TDRD3: variants seen among roughly 807,000 people sequenced by gnomAD.
TDRD3 encodes tudor domain containing 3, also known as tudor domain-containing protein 3.
In TDRD3, 45 loss-of-function variants were observed where a neutral mutation model predicts 86.7. That is an observed-to-expected ratio of 0.52 (90% CI 0.41 to 0.67). TDRD3 has a LOEUF of 0.67. TDRD3 is among the 30% of genes least tolerant of loss of function. The pLI is 0.00. For missense variants in TDRD3, 814 were observed against 889.0 expected (o/e 0.92, Z 1.07); for synonymous variants, 298 against 301.7 (o/e 0.99, Z 0.13).
At chr13:60,507,387 A>G (rs186964622) in intron 8 of TDRD3, among the ~76,000 whole-genome samples, 102 of 152,342 alleles carry the variant, frequency 6.7e-4, no homozygotes, top group Non-Finnish European at 1.2e-3. Context: ...AATCAAGAGC[A>G]TATACATTTT....
At chr13:60,429,941 T>C (rs1225745981) in intron 1 of TDRD3, among the ~76,000 whole-genome samples, 3 of 152,176 alleles carry the variant, frequency 2.0e-5, no homozygotes, top group African/African-American at 7.2e-5. Context: ...AGAAAACTAA[T>C]ACTTATTTAG....
intron 12 of TDRD3, among the ~76,000 whole-genome samples, chr13:60,564,281 G>A (rs1442345234): frequency 6.6e-6 from 1 of 152,028 alleles, no homozygotes; most frequent in Non-Finnish European, 1.5e-5. Context: ...GATGCACCTT[G>A]GTTTTATATA....
chr13:60,489,234 C>G (rs1956522905), intron 7 of TDRD3, among the ~76,000 whole-genome samples: 2 of 151,834 alleles, frequency 1.3e-5, no homozygotes, highest in Non-Finnish European at 2.9e-5. Context: ...GGTGTTTTTC[C>G]TAGTTATTTA....
intron 1 of TDRD3, among the ~76,000 whole-genome samples, chr13:60,409,669 CCCAATA>C (rs1391575157): frequency 1.3e-5 from 2 of 152,160 alleles, no homozygotes; most frequent in African/African-American, 4.8e-5. Flanking sequence ...GCTGTATTTA[CCCAATA>C]CCTGTACCCT....
chr13:60,477,579 G>C (rs952778472), intron 5 of TDRD3, among the ~76,000 whole-genome samples: 27 of 152,064 alleles, frequency 1.8e-4, no homozygotes, highest in African/African-American at 6.5e-4. Context: ...TTTTTAATAT[G>C]AAGGAATGTT....
chr13:60,542,190 A>G (rs1957833716), intron 12 of TDRD3, among the ~76,000 whole-genome samples: 1 of 152,224 alleles, frequency 6.6e-6, no homozygotes, highest in South Asian at 2.1e-4. Flanking sequence ...TACTTTACTT[A>G]TAGATACTTT....
At chr13:60,535,405 C>A in intron 12 of TDRD3, 172 bp downstream of exon 12, 1 of 550,616 alleles carries the variant, frequency 1.8e-6, no homozygotes, top group Non-Finnish European at 2.7e-6. Context: ...GAATGAACTA[C>A]AATAAAAATG....
chr13:60,552,280 C>G (rs1044616290), intron 12 of TDRD3, among the ~76,000 whole-genome samples: 17 of 152,222 alleles, frequency 1.1e-4, no homozygotes, highest in African/African-American at 3.9e-4. Flanking sequence ...GAGAAATCAG[C>G]CAAAACAAAG....
intron 8 of TDRD3, 135 bp downstream of exon 8, chr13:60,494,710 G>T: frequency 1.4e-6 from 1 of 698,048 alleles, no homozygotes; most frequent in Non-Finnish European, 2.1e-6. Flanking sequence ...CTTTCATTAA[G>T]GATTACAATT....
chr13:60,528,098 T>C (rs1957489637), intron 10 of TDRD3, among the ~76,000 whole-genome samples: 4 of 152,184 alleles, frequency 2.6e-5, no homozygotes. Context: ...TGTAGGTAGC[T>C]GTATTATAAG....
At chr13:60,403,702 A>G (rs1171121093) in intron 1 of TDRD3, among the ~76,000 whole-genome samples, 1 of 152,208 alleles carries the variant, frequency 6.6e-6, no homozygotes, top group Non-Finnish European at 1.5e-5. Flanking sequence ...AACTGCATAG[A>G]CAGAGAGCCT....
At chr13:60,434,732 C>T (rs1235875130) in intron 1 of TDRD3, among the ~76,000 whole-genome samples, 1 of 151,872 alleles carries the variant, frequency 6.6e-6, no homozygotes, top group Non-Finnish European at 1.5e-5. Context: ...TTTTAGTAAA[C>T]AAGAACCCTC....
chr13:60,535,127 A>T lies in TDRD3; in HGVS notation c.2012A>T (p.Glu671Val). ...EDNKFYRAEV[E>V]ALHSSGMTAV... ...CCTCAGTTTTACCGGGCAGAAGTTG[A>T]AGCCCTCCATTCTTCGGGTATGACA... Residue 671 changes from glutamate to valine, a missense_variant, in exon 12 of 14, where the codon GAA becomes GTA. Coordinates refer to ENST00000377881, the MANE Select transcript of TDRD3 (RefSeq NM_001146070.2). The T allele has an allele frequency of 6.2e-7, 1 of 1,613,828 alleles. No individual in the cohort carries two copies. The highest frequency in any genetic ancestry group is 8.5e-7 in the Non-Finnish European group (1 of 1,179,840).
At chr13:60,455,760 A>G (rs1323602798) in intron 3 of TDRD3, among the ~76,000 whole-genome samples, 1 of 152,066 alleles carries the variant, frequency 6.6e-6, no homozygotes, top group Non-Finnish European at 1.5e-5. Context: ...TTCTTTCTCA[A>G]GAGAATTAAT....
At chr13:60,522,296 CA>C (rs1391201146) in intron 10 of TDRD3, among the ~76,000 whole-genome samples, 1 of 151,928 alleles carries the variant, frequency 6.6e-6, no homozygotes, top group Non-Finnish European at 1.5e-5. Context: ...AACAAATAAA[CA>C]AGAAAACTAA....
intron 12 of TDRD3, among the ~76,000 whole-genome samples, chr13:60,552,937 T>G (rs908502041): frequency 6.6e-6 from 1 of 152,290 alleles, no homozygotes; most frequent in Admixed American, 6.5e-5. Flanking sequence ...AGCAGGGCCC[T>G]CCAGCCACAA....
chr13:60,558,717 C>A (rs957737650), intron 12 of TDRD3, among the ~76,000 whole-genome samples: 1 of 151,982 alleles, frequency 6.6e-6, no homozygotes, highest in Admixed American at 6.6e-5. Context: ...TTCAATAATG[C>A]TCCTTTGCTA....
chr13:60,492,246 A>G (rs901548561), intron 7 of TDRD3, among the ~76,000 whole-genome samples: 2 of 152,242 alleles, frequency 1.3e-5, no homozygotes, highest in Admixed American at 1.3e-4. Context: ...TTTTGGAATT[A>G]GGGGATGTAA....
chr13:60,487,452 G>A (rs1217336751), intron 7 of TDRD3, among the ~76,000 whole-genome samples: 1 of 151,906 alleles, frequency 6.6e-6, no homozygotes, highest in Non-Finnish European at 1.5e-5. Context: ...CTCCAGCCTG[G>A]GCAATAAGAG....
Sources: gnomAD v4.1 joint callset for allele counts (sites outside exome capture counted in the v4.1 genomes callset) on GRCh38, gnomAD v4.1.1 for gene constraint, MANE v1.5 for transcripts, NCBI Gene and HGNC (gene_info 2026-07-23, HGNC 2026-07-21) for gene names.